CDYL2: variants seen among roughly 807,000 people sequenced by gnomAD.
CDYL2 encodes the protein chromodomain Y like 2.
In CDYL2, 23 loss-of-function variants were observed where a neutral mutation model predicts 49.4. That is an observed-to-expected ratio of 0.47 (90% CI 0.34 to 0.66). CDYL2 has a LOEUF of 0.66. Ranked by LOEUF, CDYL2 falls within the 30% of genes least tolerant of loss-of-function variation. The pLI is 0.01. For synonymous variants in CDYL2, 360 were observed against 268.8 expected, an observed-to-expected ratio of 1.34 and a Z score of -3.32; for missense variants, 678 against 656.4, an observed-to-expected ratio of 1.03 and a Z score of -0.36.
intron 5 of CDYL2, among the ~76,000 whole-genome samples, chr16:80,611,660 C>T (rs1205159206): frequency 1.3e-5 from 2 of 152,222 alleles, no homozygotes; most frequent in African/African-American, 4.8e-5. Flanking sequence ...CCACAACTGG[C>T]ACTACCACTG....
chr16:80,754,670 G>A (rs527867717), intron 1 of CDYL2, among the ~76,000 whole-genome samples: 1 of 152,240 alleles, frequency 6.6e-6, no homozygotes, highest in African/African-American at 2.4e-5. Flanking sequence ...AAATGCAGAT[G>A]GTACTAACTC....
At chr16:80,659,088 G>GATGGATGGATGGATGGATGGATGA (rs1908931899) in intron 2 of CDYL2, among the ~76,000 whole-genome samples, 1 of 151,210 alleles carries the variant, frequency 6.6e-6, no homozygotes, top group South Asian at 2.1e-4. Context: ...TGGATGGATG[G>GATGGATGGATGGATGGATGGATGA]ATGGATGGAT....
At chr16:80,628,888 G>A (rs1380495584) in intron 3 of CDYL2, among the ~76,000 whole-genome samples, 1 of 152,168 alleles carries the variant, frequency 6.6e-6, no homozygotes, top group African/African-American at 2.4e-5. Flanking sequence ...ACAAATACAT[G>A]TAGACTAACA....
chr16:80,645,206 T>C (rs1033291349), intron 2 of CDYL2, among the ~76,000 whole-genome samples: 1 of 152,188 alleles, frequency 6.6e-6, no homozygotes, highest in South Asian at 2.1e-4. Flanking sequence ...ACAGGCCACC[T>C]ACAGAATGGG....
chr16:80,773,855 T>G (rs887203194), intron 1 of CDYL2, among the ~76,000 whole-genome samples: 1 of 151,748 alleles, frequency 6.6e-6, no homozygotes, highest in African/African-American at 2.4e-5. Context: ...TAAACAACCA[T>G]GTCAAGAATT....
chr16:80,650,782 T>G (rs1294539532), intron 2 of CDYL2, among the ~76,000 whole-genome samples: 1 of 152,222 alleles, frequency 6.6e-6, no homozygotes, highest in African/African-American at 2.4e-5. Context: ...GGAGTACTAC[T>G]CAGCCATAAA....
At chr16:80,787,526 C>A (rs16954015) in intron 1 of CDYL2, among the ~76,000 whole-genome samples, 1 of 152,178 alleles carries the variant, frequency 6.6e-6, no homozygotes, top group Non-Finnish European at 1.5e-5. Context: ...TTAAAATCAA[C>A]AGAAGTGTCA....
chr16:80,703,600 T>C (rs2142503539), intron 1 of CDYL2, among the ~76,000 whole-genome samples: 1 of 152,176 alleles, frequency 6.6e-6, no homozygotes, highest in Admixed American at 6.5e-5. Flanking sequence ...CCACAGGGCC[T>C]CCCTGTGGGG....
intron 1 of CDYL2, among the ~76,000 whole-genome samples, chr16:80,777,660 T>G (rs1907132476): frequency 6.6e-6 from 1 of 151,856 alleles, no homozygotes; most frequent in Non-Finnish European, 1.5e-5. Context: ...ATTAAAGAAG[T>G]GAAAATATGA....
At chr16:80,772,161 A>C (rs1034913743) in intron 1 of CDYL2, among the ~76,000 whole-genome samples, 1 of 152,212 alleles carries the variant, frequency 6.6e-6, no homozygotes, top group African/African-American at 2.4e-5. Context: ...TCAAAACTAA[A>C]TGTGAAATAA....
At chr16:80,671,725 C>T (rs1036588557) in intron 2 of CDYL2, among the ~76,000 whole-genome samples, 1 of 152,176 alleles carries the variant, frequency 6.6e-6, no homozygotes, top group Non-Finnish European at 1.5e-5. Flanking sequence ...CCTCTTGTTC[C>T]CCTTAAACAC....
chr16:80,610,282 C>G (rs901831690), intron 5 of CDYL2, among the ~76,000 whole-genome samples: 6 of 152,158 alleles, frequency 3.9e-5, no homozygotes, highest in African/African-American at 1.2e-4. Flanking sequence ...GTAAAAGCAC[C>G]TGCCCTTCCA....
intron 1 of CDYL2, among the ~76,000 whole-genome samples, chr16:80,791,233 T>G (rs1386686131): frequency 6.6e-6 from 1 of 152,140 alleles, no homozygotes; most frequent in Admixed American, 6.5e-5. Flanking sequence ...GGAAACACAT[T>G]CAAGAATTAA....
intron 3 of CDYL2, among the ~76,000 whole-genome samples, chr16:80,626,823 G>C (rs947696719): frequency 1.3e-5 from 2 of 152,168 alleles, no homozygotes; most frequent in Non-Finnish European, 2.9e-5. Flanking sequence ...CATTTCTTAA[G>C]CACCTAGTAG....
chr16:80,727,677 C>A (rs1465688326), intron 1 of CDYL2, among the ~76,000 whole-genome samples: 1 of 152,232 alleles, frequency 6.6e-6, no homozygotes, highest in Non-Finnish European at 1.5e-5. Context: ...CAGCAGTAAC[C>A]TCTGCAGACT....
At chr16:80,629,924 G>A (rs1014579592) in intron 3 of CDYL2, among the ~76,000 whole-genome samples, 2 of 152,182 alleles carry the variant, frequency 1.3e-5, no homozygotes, top group Admixed American at 1.3e-4. Context: ...GTGGGCTCCT[G>A]TGCATACATT....
intron 3 of CDYL2, among the ~76,000 whole-genome samples, chr16:80,621,903 A>AAGTGCTACCTTAGC (rs1472691514): frequency 3.3e-5 from 5 of 152,114 alleles, no homozygotes. Context: ...TAAGACCAAC[A>AAGTGCTACCTTAGC]AGTGCTACCT....
At chr16:80,765,311 C>A (rs1273971872) in intron 1 of CDYL2, among the ~76,000 whole-genome samples, 1 of 151,516 alleles carries the variant, frequency 6.6e-6, no homozygotes, top group Non-Finnish European at 1.5e-5. Context: ...GATGACAGAA[C>A]ACCTGTAAGT....
chr16:80,717,250 C>T (rs754338718), intron 1 of CDYL2, among the ~76,000 whole-genome samples: 10 of 152,142 alleles, frequency 6.6e-5, no homozygotes, highest in Non-Finnish European at 1.0e-4. Context: ...AACTTTAGGC[C>T]CAGCAGCTTC....
Sources: allele counts gnomAD v4.1 joint callset (sites outside exome capture counted in the v4.1 genomes callset), GRCh38; gene constraint gnomAD v4.1.1; transcripts MANE v1.5; gene names NCBI Gene and HGNC (gene_info 2026-07-23, HGNC 2026-07-21).